CRY2: variants seen among roughly 807,000 people sequenced by gnomAD.
CRY2 encodes cryptochrome circadian regulator 2.
A neutral mutation model predicts 69.5 loss-of-function variants in CRY2; 31 were observed. The observed-to-expected ratio is 0.45, with a 90% CI of 0.34 to 0.60. The LOEUF is 0.60. Among genes scored for constraint, CRY2 ranks in the 20% least tolerant of loss-of-function variants. The pLI, the probability that CRY2 is intolerant of heterozygous loss-of-function variation, is 0.02. For synonymous variants in CRY2, 303 were observed against 312.2 expected (o/e 0.97, Z 0.31); for missense variants, 606 against 797.8 (o/e 0.76, Z 2.90).
chr11:45,847,657 T>C lies in CRY2; in HGVS notation c.167T>C (p.Leu56Pro). The C allele has an allele frequency of 6.3e-7, 1 of 1,595,408 alleles. No homozygotes were observed. The highest frequency in any genetic ancestry group is 8.5e-7 in the Non-Finnish European group (1 of 1,171,760). ...GARCVRCVYI[L>P]DPWFAASSSV... is the part of the protein sequence containing the mutation. ...CGCTGCGTGCGCTGCGTTTACATTC[T>C]CGACCCGTGGTTCGCGGCCTCCTCC... The change falls in exon 1 of 12, where the codon CTC (leucine) becomes CCC (proline). Residue 56 changes from leucine (L) to proline (P), a missense_variant. Physicochemically the swap from Leu to Pro is moderately conservative, Grantham distance 98. This residue lies in a region of CRY2 where 382 missense variants were observed against 508.9 expected (regional missense o/e 0.75). Coordinates refer to ENST00000616080, the MANE Select transcript of CRY2 (RefSeq NM_021117.5).
At chr11:45,848,137 C>G (rs1304745047) in intron 1 of CRY2, among the ~76,000 whole-genome samples, 4 of 152,104 alleles carry the variant, frequency 2.6e-5, no homozygotes, top group African/African-American at 9.7e-5. Context: ...CTTCAAGAGC[C>G]CGTTGCTGGG....
chr11:45,859,966 G>A (rs1205503999), intron 3 of CRY2, among the ~76,000 whole-genome samples: 1 of 152,200 alleles, frequency 6.6e-6, no homozygotes, highest in Non-Finnish European at 1.5e-5. Flanking sequence ...AGGCATAGCA[G>A]AGGCAGCAGC....
intron 1 of CRY2, 124 bp downstream of exon 1, chr11:45,847,829 C>T (rs2086163836): frequency 7.7e-7 from 1 of 1,302,120 alleles, no homozygotes; most frequent in Non-Finnish European, 1.0e-6. Context: ...AAGCCGAGAC[C>T]GGGGAAGTAA....
At chr11:45,853,812 T>A (rs2086216628) in intron 1 of CRY2, among the ~76,000 whole-genome samples, 1 of 152,250 alleles carries the variant, frequency 6.6e-6, no homozygotes, top group Admixed American at 6.5e-5. Context: ...GTGACGCACT[T>A]GCAGCTCCCT....
chr11:45,876,670 C>G (rs941038451), intron 11 of CRY2, among the ~76,000 whole-genome samples: 7 of 152,236 alleles, frequency 4.6e-5, no homozygotes, highest in Non-Finnish European at 8.8e-5. Flanking sequence ...CTTCCCCTCC[C>G]CCGCGGGCTT....
chr11:45,859,289 C>G (rs540158387), intron 3 of CRY2, among the ~76,000 whole-genome samples: 1 of 152,136 alleles, frequency 6.6e-6, no homozygotes, highest in Admixed American at 6.5e-5. Context: ...AGATGAGTTC[C>G]TAGGCTGGGC....
At chr11:45,878,920 T>TAAAA (rs57461093) in intron 11 of CRY2, among the ~76,000 whole-genome samples, 1 of 49,362 alleles carries the variant, frequency 2.0e-5, no homozygotes, top group Non-Finnish European at 3.3e-5. Context: ...CTCCATCTAT[T>TAAAA]AAAAAAAAAA....
At chr11:45,870,259 A>T in intron 8 of CRY2, 55 bp downstream of exon 8, 2 of 1,611,462 alleles carry the variant, frequency 1.2e-6, no homozygotes, top group Non-Finnish European at 1.7e-6. Flanking sequence ...TCCTACTAGG[A>T]TGGGATACCC....
intron 5 of CRY2, among the ~76,000 whole-genome samples, chr11:45,863,248 C>G (rs2086302543): frequency 6.6e-6 from 1 of 152,118 alleles, no homozygotes; most frequent in African/African-American, 2.4e-5. Flanking sequence ...AAGGTTGGGC[C>G]AAGGGGCAGA....
At chr11:45,852,139 T>G (rs2086203016) in intron 1 of CRY2, among the ~76,000 whole-genome samples, 1 of 152,254 alleles carries the variant, frequency 6.6e-6, no homozygotes, top group Admixed American at 6.5e-5. Flanking sequence ...TCCAGAGCAC[T>G]TACATAATAA....
chr11:45,867,721 T>G lies in CRY2; in HGVS notation c.851T>G (p.Phe284Cys). 1 of 1,614,164 alleles carries G rather than the reference T, an allele frequency of 6.2e-7. No homozygotes were observed. Among genetic ancestry groups the G allele is most frequent in the Non-Finnish European group, 8.5e-7 (1 of 1,180,020 alleles). The stretch of plus-strand genomic sequence containing the variant: ...TTTGGTTGTCTCTCCTGCCGCCTCT[T>G]CTACTACCGCCTGTGGGACCTGTAT... ...LRFGCLSCRLFYYRLWDLYKK... is the reference protein window; with the variant it reads ...LRFGCLSCRLCYYRLWDLYKK... Residue 284 changes from phenylalanine to cysteine, a missense_variant, in exon 6 of 12, where the codon TTC becomes TGC. Transcript: ENST00000616080.
At chr11:45,869,932 C>A in intron 7 of CRY2, 115 bp downstream of exon 7, 1 of 1,514,998 alleles carries the variant, frequency 6.6e-7, no homozygotes, top group South Asian at 1.3e-5. Context: ...GAGATCCCCT[C>A]CAGATCCTCT....
chr11:45,858,519 G>A (rs1160084146), intron 2 of CRY2: 2 of 554,080 alleles, frequency 3.6e-6, no homozygotes, highest in Non-Finnish European at 6.3e-6. Context: ...CTGTTGCTGT[G>A]CTGTTGGCTT....
At chr11:45,877,523 G>C (rs2086432893) in intron 11 of CRY2, among the ~76,000 whole-genome samples, 3 of 152,210 alleles carry the variant, frequency 2.0e-5, no homozygotes, top group African/African-American at 7.2e-5. Context: ...AAGGTACCCA[G>C]GAGGCCATGC....
chr11:45,877,530 A>G (rs1035665146), intron 11 of CRY2, among the ~76,000 whole-genome samples: 10 of 152,242 alleles, frequency 6.6e-5, no homozygotes, highest in Non-Finnish European at 1.0e-4. Flanking sequence ...CCAGGAGGCC[A>G]TGCTAACTAA....
At position 45,881,583 on chromosome 11, in the gene CRY2, C is replaced by T. The variant is rs1190523540; in HGVS notation, c.*672C>T. ...AAGTTTCCACCACCCTACAGAAGTA[C>T]ACACAGATACCTGACTGGTGTGGGG... On this transcript the variant is annotated 3_prime_UTR_variant, in exon 12 of 12. Transcript: ENST00000616080. The T allele has an allele frequency of 6.6e-6, 1 of 152,300 alleles. No homozygotes were observed. The highest frequency in any genetic ancestry group is 1.9e-4 in the East Asian group (1 of 5,208). 9.4% of individuals were successfully genotyped at this position (152,300 alleles called of 1,614,324 possible).
chr11:45,855,572 C>T (rs1432448717), intron 1 of CRY2, among the ~76,000 whole-genome samples: 1 of 152,216 alleles, frequency 6.6e-6, no homozygotes, highest in African/African-American at 2.4e-5. Flanking sequence ...TGACTAGCCT[C>T]TGATCACACA....
chr11:45,853,404 G>A (rs2086213123), intron 1 of CRY2, among the ~76,000 whole-genome samples: 1 of 152,112 alleles, frequency 6.6e-6, no homozygotes, highest in African/African-American at 2.4e-5. Flanking sequence ...AGAAGAAAAG[G>A]GCTCTCATAG....
At chr11:45,847,373 C>T (rs1274732008), upstream of CRY2, 2 of 1,599,630 alleles carry the variant, frequency 1.3e-6, no homozygotes, top group East Asian at 2.2e-5. Context: ...GCTCTGGGGC[C>T]CTGTGGGCGG....
Sources: gnomAD v4.1 joint callset for allele counts (sites outside exome capture counted in the v4.1 genomes callset) on GRCh38, gnomAD v4.1.1 for gene constraint, gnomAD v4.1.1 regional missense constraint, MANE v1.5 for transcripts, NCBI Gene and HGNC (gene_info 2026-07-23, HGNC 2026-07-21) for gene names.